Variants in PRR5L observed in about 807,000 individuals in gnomAD.
The protein encoded by PRR5L is proline-rich protein 5-like.
In PRR5L, 21 loss-of-function variants were observed where a neutral mutation model predicts 36.4. That is an observed-to-expected ratio of 0.58 (90% confidence interval 0.41 to 0.83). The LOEUF (loss-of-function observed/expected upper bound fraction) is 0.83, where lower values mean the gene tolerates loss of function less well. Ranked by LOEUF, PRR5L falls within the 40% of genes least tolerant of loss-of-function variation. The pLI, the probability that PRR5L is intolerant of heterozygous loss-of-function variation, is 0.00. For synonymous variants in PRR5L, 188 were observed against 197.0 expected (o/e 0.95, Z 0.38); for missense variants, 381 against 473.3 (o/e 0.80, Z 1.81).
intron 4 of PRR5L, among the ~76,000 whole-genome samples, chr11:36,426,491 G>A (rs149897341): frequency 8.1e-4 from 123 of 152,338 alleles, no homozygotes; most frequent in African/African-American, 2.7e-3. Flanking sequence ...TGATTACATA[G>A]TGAGCAGTCA....
intron 8 of PRR5L, chr11:36,453,932 G>C (rs1266886174): frequency 1.3e-5 from 2 of 152,576 alleles, no homozygotes; most frequent in Middle Eastern, 3.1e-3. Context: ...AGGTGAGCAA[G>C]AGGAAGGAGC....
intron 1 of PRR5L, chr11:36,329,401 T>C (rs1856696748): frequency 6.6e-6 from 1 of 152,182 alleles, no homozygotes; most frequent in Non-Finnish European, 1.5e-5. Flanking sequence ...CATTAATTAC[T>C]GAAAAAATGT....
intron 1 of PRR5L, chr11:36,381,819 T>G (rs11033580): frequency 2.6e-5 from 4 of 151,422 alleles, no homozygotes; most frequent in Non-Finnish European, 5.9e-5. Flanking sequence ...AATTTTTTTT[T>G]AAATTATTCA....
chr11:36,415,211 A>G (rs1420050921), intron 3 of PRR5L, among the ~76,000 whole-genome samples: 2 of 152,084 alleles, frequency 1.3e-5, no homozygotes, highest in Non-Finnish European at 2.9e-5. Context: ...TTTTGGTTCC[A>G]TATGAACTTT....
rs1380144562 is a variant in PRR5L, at chr11:36,351,301, TA to T, written c.-125-49695del. ...ATATATGTATATTTATATATTTATA[TA>T]TATATTTATATATATTTATAAATAT... On this transcript the variant is annotated intron_variant, in intron 1 of 8. Transcript: ENST00000530639. 6.2e-4 allele frequency among the ~76,000 whole-genome samples: 33 copies of T among 53,484 alleles called. No homozygotes were observed. The East Asian group carries it at 0.021, about 34-fold the overall frequency. The allele number at this position is 53,484 out of a possible 152,430, so 35.1% of individuals were successfully genotyped here.
chr11:36,385,957 G>T (rs72950084), intron 1 of PRR5L, among the ~76,000 whole-genome samples: 1 of 152,184 alleles, frequency 6.6e-6, no homozygotes, highest in Non-Finnish European at 1.5e-5. Flanking sequence ...AAATGGGAAG[G>T]CTACTCTTCC....
intron 1 of PRR5L, chr11:36,396,209 C>T (rs556965121): frequency 6.6e-6 from 1 of 152,378 alleles, no homozygotes; most frequent in Admixed American, 6.5e-5. Context: ...GACCTGACAG[C>T]TTTCCAAGCT....
At chr11:36,361,507 T>C (rs1857088622) in intron 1 of PRR5L, among the ~76,000 whole-genome samples, 1 of 152,220 alleles carries the variant, frequency 6.6e-6, no homozygotes, top group Admixed American at 6.5e-5. Context: ...AACAAAAGAC[T>C]TTAAGGCTCA....
Position 36,465,150 on chromosome 11 carries a change from T to G in PRR5L, c.*2414T>G, listed in dbSNP as rs142296643. 6.6e-6 allele frequency: 1 copy of G among 152,216 alleles called. No homozygotes were observed. The highest frequency in any genetic ancestry group is 2.4e-5 in the African/African-American group (1 of 41,440). 9.4% of individuals were successfully genotyped at this position (152,216 alleles called of 1,614,324 possible). Reference sequence around the variant, plus strand: ...CTCTTCAAGTGAGCTCACAGAAACCTTTCATGTTGTCTGTTTCCAAAATGG... The same window carrying G: ...CTCTTCAAGTGAGCTCACAGAAACCGTTCATGTTGTCTGTTTCCAAAATGG... On this transcript the variant is annotated 3_prime_UTR_variant, in exon 9 of 9. Coordinates refer to ENST00000530639, the MANE Select transcript of PRR5L (RefSeq NM_001160167.2).
intron 1 of PRR5L, among the ~76,000 whole-genome samples, chr11:36,372,560 T>C (rs1259141368): frequency 1.3e-5 from 2 of 152,130 alleles, no homozygotes; most frequent in Admixed American, 1.3e-4. Flanking sequence ...TCTGGCCCCT[T>C]CTAACTATGT....
At chr11:36,425,037 G>C (rs1406259590) in intron 4 of PRR5L, among the ~76,000 whole-genome samples, 1 of 152,136 alleles carries the variant, frequency 6.6e-6, no homozygotes, top group African/African-American at 2.4e-5. Context: ...GGTCAGGCTG[G>C]TCTCGAACTC....
At chr11:36,431,737 G>T in intron 4 of PRR5L, 116 bp from the exon 5 acceptor site, 3 of 900,604 alleles carry the variant, frequency 3.3e-6, no homozygotes, top group East Asian at 2.4e-5. Flanking sequence ...TCCGAGGCAC[G>T]GCTAGAACAC....
chr11:36,336,815 T>G (rs959442412), intron 1 of PRR5L, among the ~76,000 whole-genome samples: 2 of 152,168 alleles, frequency 1.3e-5, no homozygotes, highest in African/African-American at 4.8e-5. Context: ...TTTTCTAAAC[T>G]GCATAGCAAT....
In PRR5L at chr11:36,388,694, C is replaced by CTTTTTTTTTTTTTTTTTTTTTTTTTTT. The variant is rs1252535250; in HGVS notation, c.-125-12300_-125-12299insTTTTTTTTTTTTTTTTTTTTTTTTTTT. ...TTCTTTCATTCAAGGTCGGCTCTTTCTTTCTTTTTTTTTTTTTTTTTTGAG... is the reference window on the plus strand; with the variant it reads ...TTCTTTCATTCAAGGTCGGCTCTTTCTTTTTTTTTTTTTTTTTTTTTTTTTTTTTTCTTTTTTTTTTTTTTTTTTGAG... On this transcript the variant is annotated intron_variant, in intron 1 of 8. Coordinates refer to ENST00000530639, the MANE Select transcript of PRR5L (RefSeq NM_001160167.2). Among the ~76,000 whole-genome samples the CTTTTTTTTTTTTTTTTTTTTTTTTTTT allele has an allele frequency of 1.8e-5, 2 of 112,790 alleles. 1 individual carries two copies. 74.0% of individuals were successfully genotyped at this position (112,790 alleles called of 152,430 possible).
chr11:36,435,158 G>A (rs1290108902), intron 5 of PRR5L, among the ~76,000 whole-genome samples: 1 of 152,092 alleles, frequency 6.6e-6, no homozygotes, highest in Non-Finnish European at 1.5e-5. Context: ...CTAGGAACCA[G>A]GGTGACTCAG....
At chr11:36,320,941 T>A (rs1856608713) in intron 1 of PRR5L, among the ~76,000 whole-genome samples, 1 of 152,240 alleles carries the variant, frequency 6.6e-6, no homozygotes. Context: ...TTGTAATGAT[T>A]TAATTGGTTT....
chr11:36,349,819 G>T (rs1856908545), intron 1 of PRR5L: 1 of 152,170 alleles, frequency 6.6e-6, no homozygotes, highest in African/African-American at 2.4e-5. Flanking sequence ...GGCCAGTACT[G>T]CTCTCCTAGC....
intron 1 of PRR5L, among the ~76,000 whole-genome samples, chr11:36,314,268 A>T (rs1374377): frequency 0.85 from 129,773 of 152,048 alleles, 55,602 homozygotes; most frequent in East Asian, 0.98. Context: ...GGATGGGAGG[A>T]CAGCTGGTCC....
At chr11:36,425,402 G>A (rs1858359540) in intron 4 of PRR5L, 1 of 152,138 alleles carries the variant, frequency 6.6e-6, no homozygotes, top group Non-Finnish European at 1.5e-5. Context: ...TATTTAAAAT[G>A]CCCTCAAGGA....
Sources: allele counts gnomAD v4.1 joint callset (sites outside exome capture counted in the v4.1 genomes callset), GRCh38; gene constraint gnomAD v4.1.1; transcripts MANE v1.5; gene names NCBI Gene and HGNC (gene_info 2026-07-23, HGNC 2026-07-21).